The following PCDHGA4 variants were observed in gnomAD, a reference collection of about 807,000 sequenced individuals.
PCDHGA4 encodes the protein protocadherin gamma-A4.
A neutral mutation model predicts 54.6 loss-of-function variants in PCDHGA4; 38 were observed. The observed-to-expected ratio is 0.70, with a 90% CI of 0.54 to 0.91. The LOEUF (loss-of-function observed/expected upper bound fraction) is 0.91. Ranked by LOEUF, PCDHGA4 falls within the 40% of genes least tolerant of loss-of-function variation. The pLI is 0.00. For missense variants in PCDHGA4, 1,298 were observed against 1,220.9 expected, an observed-to-expected ratio of 1.06 and a Z score of -0.94; for synonymous variants, 511 against 512.9, an observed-to-expected ratio of 1.00 and a Z score of 0.05.
chr5:141,489,579 C>G lies in PCDHGA4; in HGVS notation c.2515-5228C>G, dbSNP rs112808093. 3.7e-6 allele frequency: 6 copies of G among 1,613,922 alleles called. No individual in the cohort carries two copies. The Admixed American group carries it at 5.0e-5, about 13-fold the overall frequency. On this transcript the variant is annotated intron_variant, in intron 1 of 3. Transcript: ENST00000571252. This position sits in a 1 kb window ranked among gnomAD's most constrained non-coding sequence, Gnocchi z 4.5. ...CAGTGCAGGTGGTGACTGAACACCC[C>G]CTGGAGCTAATCCGTGTAGAGGTAG... is the stretch of plus-strand genomic sequence containing the variant.
chr5:141,380,839 A>G (rs377236135), intron 1 of PCDHGA4, among the ~76,000 whole-genome samples: 1 of 152,258 alleles, frequency 6.6e-6, no homozygotes, highest in Non-Finnish European at 1.5e-5. Context: ...CATCAGGTAA[A>G]AATGGATCAA....
At chr5:141,426,021 A>G (rs1590662256) in intron 1 of PCDHGA4, among the ~76,000 whole-genome samples, 2 of 152,312 alleles carry the variant, frequency 1.3e-5, no homozygotes, top group East Asian at 3.9e-4. Context: ...AGTTTTCTAA[A>G]TAGACTCAGA....
At chr5:141,361,145 T>C (rs1561522741) in intron 1 of PCDHGA4, 2 of 1,613,964 alleles carry the variant, frequency 1.2e-6, no homozygotes, top group South Asian at 2.2e-5. Flanking sequence ...CAAGTTGAAA[T>C]TCTTGATGAC....
chr5:141,375,070 C>T (rs1399275208), intron 1 of PCDHGA4: 2 of 1,613,854 alleles, frequency 1.2e-6, no homozygotes, highest in Admixed American at 1.7e-5. Flanking sequence ...GTCTTCGAGA[C>T]AGAGCGAAAG....
rs769153122 is a variant in PCDHGA4 at position 141,485,243 on chromosome 5, C to T, written c.2515-9564C>T. 8 of 1,614,062 alleles carry T rather than the reference C, an allele frequency of 5.0e-6. No homozygotes were observed. In the Admixed American group the frequency reaches 1.2e-4, roughly 24 times the overall value. ...TACCCTTTTGTTCCTCTTTTACCACCTGGGTTACGTTTGTGGGCAGATCCG... is the reference window on the plus strand; with the variant it reads ...TACCCTTTTGTTCCTCTTTTACCACTTGGGTTACGTTTGTGGGCAGATCCG... On this transcript the variant is annotated intron_variant, in intron 1 of 3. Transcript: ENST00000571252. The surrounding 1 kb of genome is among the most constrained non-coding windows in gnomAD (Gnocchi z 5.7).
Position 141,477,531 on chromosome 5 carries a change from C to G in PCDHGA4, c.2515-17276C>G. ...GTTTACATTGAAGAAAACAACCTCC[C>G]CGGGGCTCCAATACTAAACCTAAGT... On this transcript the variant is annotated intron_variant, in intron 1 of 3. Coordinates refer to ENST00000571252, the MANE Select transcript of PCDHGA4 (RefSeq NM_018917.4). This position sits in a 1 kb window ranked among gnomAD's most constrained non-coding sequence, Gnocchi z 4.9. The G allele has an allele frequency of 6.2e-7, 1 of 1,614,162 alleles. No homozygotes were observed. Among genetic ancestry groups the G allele is most frequent in the South Asian group, 1.1e-5 (1 of 91,086 alleles).
chr5:141,400,080 C>T (rs375308173), intron 1 of PCDHGA4: 219 of 1,614,010 alleles, frequency 1.4e-4, no homozygotes, highest in East Asian at 2.9e-4. Flanking sequence ...CGCCACTCTC[C>T]GCCACCGCCA....
chr5:141,376,073 G>T, intron 1 of PCDHGA4: 6 of 1,613,508 alleles, frequency 3.7e-6, no homozygotes, highest in South Asian at 1.1e-5. Context: ...CACCGTGGCC[G>T]TGGCCGACAG....
intron 1 of PCDHGA4, among the ~76,000 whole-genome samples, chr5:141,381,816 CT>C (rs747432194): frequency 4.2e-4 from 52 of 122,544 alleles, no homozygotes; most frequent in Admixed American, 1.7e-3. Flanking sequence ...TTCTTTCTTT[CT>C]TTCTTCTTCT....
chr5:141,374,893 TGAA>T, intron 1 of PCDHGA4: 1 of 1,613,834 alleles, frequency 6.2e-7, no homozygotes, highest in Non-Finnish European at 8.5e-7. Context: ...CCGACCAGGA[TGAA>T]GGAGTCCACG....
chr5:141,425,979 A>T lies in PCDHGA4; in HGVS notation c.2514+68358A>T, dbSNP rs114212354. ...GTCCAACACATCAGTCTAATTCTGA[A>T]TCCCATTGAATTAGCAAAGGCTTCC... On this transcript the variant is annotated intron_variant, in intron 1 of 3. Coordinates refer to ENST00000571252, the MANE Select transcript of PCDHGA4 (RefSeq NM_018917.4). Among the ~76,000 whole-genome samples, 592 of 152,328 alleles carry T rather than the reference A, an allele frequency of 3.9e-3. 5 individuals carry two copies. Among genetic ancestry groups the T allele is most frequent in the African/African-American group, 0.014 (563 of 41,580 alleles).
rs141873183 is a variant in PCDHGA4 at position 141,511,011 on chromosome 5, C to T, written c.2727C>T (p.Tyr909=). The T allele has an allele frequency of 1.5e-5, 24 of 1,614,082 alleles. No individual in the cohort carries two copies. Among genetic ancestry groups the T allele is most frequent in the Middle Eastern group, 1.6e-4 (1 of 6,084 alleles). Residue 909 remains tyrosine (Y), a synonymous_variant, in exon 4 of 4, where the codon TAC becomes TAT. Transcript: ENST00000571252. ...GAGTMGLSAR[Y]GPQFTLQHVP... The stretch of plus-strand genomic sequence containing the variant: ...GCACCATGGGATTGAGCGCCCGCTA[C>T]GGACCCCAGTTCACCCTGCAGCACG...
rs1366118961 is a variant in PCDHGA4 at position 141,375,763 on chromosome 5, C to T, written c.2514+18142C>T. The T allele has an allele frequency of 3.7e-6, 6 of 1,614,124 alleles. No homozygotes were observed. The African/African-American group carries it at 6.7e-5, about 18-fold the overall frequency. On this transcript the variant is annotated intron_variant, in intron 1 of 3. Transcript: ENST00000571252. ...TGCTGGACCAGAATGACAATGCGCC[C>T]GAGATCCTGTACCCCGCCCTCCCCA...
At position 141,356,981 on chromosome 5, in the gene PCDHGA4, T is replaced by C; in HGVS notation, c.1874T>C (p.Val625Ala). ...SGYLVTKVVAVDRDSGQNAWL... is the reference protein window; with the variant it reads ...SGYLVTKVVAADRDSGQNAWL... ...TACCTGGTGACCAAAGTGGTGGCAG[T>C]GGACAGAGACTCAGGTCAGAATGCC... is the stretch of plus-strand genomic sequence containing the variant. The change falls in exon 1 of 4, where the codon GTG becomes GCG. Residue 625 changes from valine to alanine, a missense_variant. By Grantham distance (64) the Val-to-Ala change is moderately conservative. Transcript: ENST00000571252. 6.2e-7 allele frequency: 1 copy of C among 1,614,246 alleles called. No individual in the cohort carries two copies. Among genetic ancestry groups the C allele is most frequent in the South Asian group, 1.1e-5 (1 of 91,088 alleles).
intron 1 of PCDHGA4, chr5:141,404,979 G>A (rs771576875): frequency 6.2e-7 from 1 of 1,613,994 alleles, no homozygotes; most frequent in Non-Finnish European, 8.5e-7. Context: ...GCTGACCTGG[G>A]CAGTCTTCAG....
chr5:141,393,259 G>C (rs1561641378), intron 1 of PCDHGA4: 1 of 1,613,874 alleles, frequency 6.2e-7, no homozygotes, highest in Admixed American at 1.7e-5. Flanking sequence ...GCGGTTCCTG[G>C]AGCACGTTAT....
chr5:141,428,632 G>A (rs574049916), intron 1 of PCDHGA4: 35 of 182,522 alleles, frequency 1.9e-4, no homozygotes, highest in African/African-American at 7.6e-4. Context: ...CTCTAACTCT[G>A]TTGCTCCTAC....
In PCDHGA4 at chr5:141,512,739, T is replaced by C. The variant is rs1251649814; in HGVS notation, c.*1566T>C. The stretch of plus-strand genomic sequence containing the variant: ...GGCGGGTGGGCAGCGGGCGGCGGGC[T>C]CCGCGCAGCCGTCTGTCCTTGATCT... On this transcript the variant is annotated 3_prime_UTR_variant, in exon 4 of 4. Transcript: ENST00000571252. 1 of 152,822 alleles carries C rather than the reference T, an allele frequency of 6.5e-6. No individual in the cohort carries two copies. The highest frequency in any genetic ancestry group is 2.4e-5 in the African/African-American group (1 of 41,464). 9.5% of individuals were successfully genotyped at this position (152,822 alleles called of 1,614,324 possible).
chr5:141,374,636 G>A, intron 1 of PCDHGA4: 1 of 1,612,960 alleles, frequency 6.2e-7, no homozygotes, highest in Non-Finnish European at 8.5e-7. Flanking sequence ...CGTGCAAAGC[G>A]AAGCCCATGG....
Sources: allele counts gnomAD v4.1 joint callset (sites outside exome capture counted in the v4.1 genomes callset), GRCh38; gene constraint gnomAD v4.1.1; non-coding constraint Gnocchi (gnomAD v3.1); transcripts MANE v1.5; gene names NCBI Gene and HGNC (gene_info 2026-07-23, HGNC 2026-07-21).